The following GCN1 variants were observed in gnomAD, a reference collection of about 807,000 sequenced individuals.
GCN1 encodes the protein stalled ribosome sensor GCN1.
Under a neutral mutation model 288.4 loss-of-function variants are expected in GCN1, and 90 were observed. The observed-to-expected ratio is 0.31, with a 90% CI of 0.26 to 0.37. The LOEUF (loss-of-function observed/expected upper bound fraction) is 0.37, where lower values mean the gene tolerates loss of function less well. Ranked by LOEUF, GCN1 falls within the 10% of genes least tolerant of loss-of-function variation. The probability of loss-of-function intolerance (pLI) is 1.00; values close to 1 mark genes in which losing one functional copy is unlikely to be tolerated. For synonymous variants in GCN1, 1,386 were observed against 1,420.2 expected (o/e 0.98, Z 0.54); for missense variants, 2,586 against 3,419.9 (o/e 0.76, Z 6.08).
Position 120,131,298 on chromosome 12 carries a change from C to T in GCN1, c.7450G>A (p.Gly2484Arg), listed in dbSNP as rs756328387. Residue 2484 changes from glycine to arginine, a missense_variant, in exon 55 of 58, where the codon GGG becomes AGG. Around this residue, in one of 8 missense-constraint regions of GCN1, gnomAD observed 355 missense variants for 431.1 expected, o/e 0.82. Coordinates refer to ENST00000300648, the MANE Select transcript of GCN1 (RefSeq NM_006836.2). ...GCCACGGAAAGTGCCAGGCTCCGCC[C>T]GTGCCGAACCATCCAGTCAATGCCG... ...VSGIDWMVRH[G>R]RSLALSVAVN... The T allele has an allele frequency of 2.5e-6, 4 of 1,613,972 alleles. No homozygotes were observed. The highest frequency in any genetic ancestry group is 1.7e-5 in the Admixed American group (1 of 60,010).
At chr12:120,141,095 T>C (rs1877176511) in intron 44 of GCN1, 72 bp from the exon 45 acceptor site, 1 of 1,327,270 alleles carries the variant, frequency 7.5e-7, no homozygotes. Context: ...GACTCCAGAA[T>C]GAGGGCCCTG....
rs375966713 is a variant in GCN1, at chr12:120,152,639, A to ACG, written c.4062+573_4062+574insCG. ...AAATGCAAACCACACACACACGCGC[A>ACG]CACACACACACACACACACAAAATA... On this transcript the variant is annotated intron_variant, in intron 33 of 57. Coordinates refer to ENST00000300648, the MANE Select transcript of GCN1 (RefSeq NM_006836.2). Among the ~76,000 whole-genome samples, 1,171 of 128,510 alleles carry ACG rather than the reference A, an allele frequency of 9.1e-3. 28 individuals are homozygous for ACG. In the East Asian group the frequency reaches 0.093, roughly 10 times the overall value. 84.3% of individuals were successfully genotyped at this position (128,510 alleles called of 152,430 possible).
chr12:120,194,686 G>C lies in GCN1; in HGVS notation c.12C>G (p.Asp4Glu). ...CCGCAGCCGCCCGCCTCACCTGCGT[G>C]TCCGCCGCCATCCTGCCGGGGCTGA... MAA[D>E]TQVSETLKRF... The change falls in exon 1 of 58, where the codon GAC becomes GAG. Residue 4 changes from aspartate (D) to glutamate (E), a missense_variant. Physicochemically the swap from Asp to Glu is conservative, Grantham distance 45 (BLOSUM62 2). This residue lies in a region of GCN1 where 913 missense variants were observed against 1,107.0 expected (regional missense o/e 0.82). Coordinates refer to ENST00000300648, the MANE Select transcript of GCN1 (RefSeq NM_006836.2). 1.3e-6 allele frequency: 2 copies of C among 1,513,172 alleles called. No individual in the cohort carries two copies. The highest frequency in any genetic ancestry group is 1.8e-6 in the Non-Finnish European group (2 of 1,137,414). 93.7% of individuals were successfully genotyped at this position (1,513,172 alleles called of 1,614,324 possible).
Position 120,155,777 on chromosome 12 carries a change from T to G in GCN1, c.3313-58A>C. 1 of 1,580,076 alleles carries G rather than the reference T, an allele frequency of 6.3e-7. No individual in the cohort carries two copies. Among genetic ancestry groups the G allele is most frequent in the Non-Finnish European group, 8.7e-7 (1 of 1,152,080 alleles). ...TCATCTTTCAGAAGAGCCTCTGACC[T>G]GCCTCCTCACCTCTCTCTAGGTTGT... On this transcript the variant is annotated intron_variant, in intron 28 of 57. Transcript: ENST00000300648. This position sits in a 1 kb window ranked among gnomAD's most constrained non-coding sequence, Gnocchi z 4.9.
At chr12:120,145,665 A>G (rs554020897) in intron 38 of GCN1, among the ~76,000 whole-genome samples, 3 of 152,306 alleles carry the variant, frequency 2.0e-5, no homozygotes, top group African/African-American at 7.2e-5. Context: ...ACTTCTGGTA[A>G]TTTCCTTTCA....
rs374706350 is a variant in GCN1, at chr12:120,168,192, G to T, written c.1612+16C>A. 2.6e-5 allele frequency: 37 copies of T among 1,400,760 alleles called. No individual in the cohort carries two copies. Among genetic ancestry groups the T allele is most frequent in the Admixed American group, 3.3e-5 (2 of 59,752 alleles). The allele number at this position is 1,400,760 out of a possible 1,614,324, so 86.8% of individuals were successfully genotyped here. ...TTGCCTCAATCCCGAGTTCAACTAAGCATGGAGTAACTTACCATCCTCTGA... is the reference window on the plus strand; with the variant it reads ...TTGCCTCAATCCCGAGTTCAACTAATCATGGAGTAACTTACCATCCTCTGA... On this transcript the variant is annotated intron_variant, in intron 16 of 57. Transcript: ENST00000300648.
Position 120,153,144 on chromosome 12 carries a change from C to T in GCN1, c.4062+69G>A. The T allele has an allele frequency of 1.5e-6, 2 of 1,369,870 alleles. No homozygotes were observed. The highest frequency in any genetic ancestry group is 2.1e-6 in the Non-Finnish European group (2 of 975,484). 84.9% of individuals were successfully genotyped at this position (1,369,870 alleles called of 1,614,324 possible). ...TTGTCCAACTCCACCCCTAGTATCC[C>T]ACCGCCTAACCACAGCCGGGTCCCA... On this transcript the variant is annotated intron_variant, in intron 33 of 57. Transcript: ENST00000300648. This position sits in a 1 kb window ranked among gnomAD's most constrained non-coding sequence, Gnocchi z 4.4.
rs1364701781 is a variant in GCN1 at position 120,138,100 on chromosome 12, C to A, written c.6250-56G>T. The A allele has an allele frequency of 6.6e-6, 10 of 1,516,740 alleles. No homozygotes were observed. In the East Asian group the frequency reaches 1.9e-4, roughly 29 times the overall value. 94.0% of individuals were successfully genotyped at this position (1,516,740 alleles called of 1,614,324 possible). A position where few individuals can be genotyped will look rare whatever the true frequency, so the allele number is the denominator to read the frequency against. On this transcript the variant is annotated intron_variant, in intron 47 of 57. Transcript: ENST00000300648. ...ATACTGTGCCAGGTGCTGCGCTAGG[C>A]TCTGGGAACAGACGGGTGGGCAAGA...
chr12:120,160,960 C>G (rs573928082), intron 22 of GCN1, among the ~76,000 whole-genome samples: 1 of 152,174 alleles, frequency 6.6e-6, no homozygotes, highest in Non-Finnish European at 1.5e-5. Flanking sequence ...AGCTGGCCAC[C>G]TCTCTGAGAA....
chr12:120,182,462 G>T (rs1878696166), intron 5 of GCN1, among the ~76,000 whole-genome samples: 1 of 152,190 alleles, frequency 6.6e-6, no homozygotes, highest in Non-Finnish European at 1.5e-5. Context: ...CCTAAGGCCG[G>T]TCATCACTGG....
Position 120,144,543 on chromosome 12 carries a change from C to A in GCN1, c.5353-95G>T. Reference sequence around the variant, plus strand: ...CACTGAAGGCTGAGGGCTCTGCCAACCAACCCCAGCCAGCAGGGATCTCTA... The same window carrying A: ...CACTGAAGGCTGAGGGCTCTGCCAAACAACCCCAGCCAGCAGGGATCTCTA... On this transcript the variant is annotated intron_variant, in intron 41 of 57. Transcript: ENST00000300648. This position sits in a 1 kb window ranked among gnomAD's most constrained non-coding sequence, Gnocchi z 4.7. 1 of 1,555,612 alleles carries A rather than the reference C, an allele frequency of 6.4e-7. No individual in the cohort carries two copies. Among genetic ancestry groups the A allele is most frequent in the Non-Finnish European group, 8.8e-7 (1 of 1,140,542 alleles).
At position 120,168,537 on chromosome 12, in the gene GCN1, G is replaced by C. The variant is rs551522532; in HGVS notation, c.1520-237C>G. The C allele has an allele frequency of 4.8e-5, 21 of 438,168 alleles. No homozygotes were observed. In the South Asian group the frequency reaches 5.2e-4, roughly 11 times the overall value. The allele number at this position is 438,168 out of a possible 1,614,324, so 27.1% of individuals were successfully genotyped here. A position where few individuals can be genotyped will look rare whatever the true frequency, so the allele number is the denominator to read the frequency against. On this transcript the variant is annotated intron_variant, in intron 15 of 57. Transcript: ENST00000300648. ...TCCTAGGTGAACTGCTTCTCATCCG[G>C]AATTCCCATCCACCCCAGGCGCCAA...
At chr12:120,173,531 G>C in intron 14 of GCN1, 122 bp downstream of exon 14, 2 of 669,852 alleles carry the variant, frequency 3.0e-6, no homozygotes, top group Non-Finnish European at 5.2e-6. Context: ...ATTTATTTCA[G>C]GAAGAATTAA....
At chr12:120,148,367 C>A in intron 36 of GCN1, 21 bp from the exon 37 acceptor site, 1 of 1,601,788 alleles carries the variant, frequency 6.2e-7, no homozygotes. Context: ...CAGACACAAG[C>A]CCAGTACTGA....
chr12:120,184,688 G>T, intron 3 of GCN1, 136 bp downstream of exon 3: 1 of 713,720 alleles, frequency 1.4e-6, no homozygotes, highest in Non-Finnish European at 2.5e-6. Context: ...AACTTGCCCA[G>T]GATCTAATGG....
In GCN1 at chr12:120,127,824, C is replaced by T. The variant is rs1244654166; in HGVS notation, c.*25G>A. 2 of 1,607,734 alleles carry T rather than the reference C, an allele frequency of 1.2e-6. No individual in the cohort carries two copies. The highest frequency in any genetic ancestry group is 1.7e-5 in the Admixed American group (1 of 59,610). ...AACATTGAGCAAAGATGTGGAGCGG[C>T]AATGCTGCTGCTGGCCCAGGCCTCT... On this transcript the variant is annotated 3_prime_UTR_variant, in exon 58 of 58. Transcript: ENST00000300648.
chr12:120,159,072 G>C (rs1240659656), intron 24 of GCN1, among the ~76,000 whole-genome samples: 6 of 151,922 alleles, frequency 3.9e-5, no homozygotes, highest in Non-Finnish European at 8.8e-5. Context: ...TTTCTCACTT[G>C]ATCTTTGTGA....
At position 120,155,044 on chromosome 12, in the gene GCN1, C is replaced by T; in HGVS notation, c.3631-4G>A. 6.2e-7 allele frequency: 1 copy of T among 1,613,178 alleles called. No individual in the cohort carries two copies. On this transcript the variant is annotated splice_region_variant and splice_polypyrimidine_tract_variant and intron_variant, in intron 30 of 57. Transcript: ENST00000300648. This position sits in a 1 kb window ranked among gnomAD's most constrained non-coding sequence, Gnocchi z 4.9. ...CATCCAGCACTGGGGGCGGCCGCTG[C>T]AACAGACAAGTTGGTAAATGCTTTG... is the stretch of plus-strand genomic sequence containing the variant.
chr12:120,163,508 C>G (rs958068151), intron 18 of GCN1, among the ~76,000 whole-genome samples: 4 of 152,172 alleles, frequency 2.6e-5, no homozygotes, highest in Admixed American at 1.3e-4. Context: ...GGAACTGGTC[C>G]AGGAGACCCA....
Sources: gnomAD v4.1 joint callset for allele counts (sites outside exome capture counted in the v4.1 genomes callset) on GRCh38, gnomAD v4.1.1 for gene constraint, gnomAD v4.1.1 regional missense constraint, Gnocchi (gnomAD v3.1) non-coding constraint, MANE v1.5 for transcripts, NCBI Gene and HGNC (gene_info 2026-07-23, HGNC 2026-07-21) for gene names.